Variants in METTL2A observed in about 807,000 individuals in gnomAD.
METTL2A encodes the protein methyltransferase 2A, tRNA N3-cytidine, also known as tRNA N(3)-cytidine methyltransferase METTL2A.
A neutral mutation model predicts 49.4 loss-of-function variants in METTL2A; 45 were observed. That is an observed-to-expected ratio of 0.91 (90% CI 0.72 to 1.17). METTL2A has a LOEUF of 1.17. Among genes scored for constraint, METTL2A ranks in the 50% most tolerant of loss-of-function variants. The pLI is 0.00. For synonymous variants in METTL2A, 118 were observed against 167.5 expected (o/e 0.70, Z 2.28); for missense variants, 361 against 462.2 (o/e 0.78, Z 2.01).
intron 6 of METTL2A, among the ~76,000 whole-genome samples, chr17:62,441,109 C>T (rs762917786): frequency 2.3e-4 from 35 of 152,088 alleles, no homozygotes; most frequent in Admixed American, 5.2e-4. Context: ...CCCAGCCTGG[C>T]GAGGGACCTT....
At chr17:62,440,595 T>C (rs1406931706) in intron 5 of METTL2A, 22 bp from the exon 6 acceptor site, 9 of 1,597,836 alleles carry the variant, frequency 5.6e-6, no homozygotes, top group East Asian at 2.2e-5. Flanking sequence ...CTAACTTACC[T>C]GTGTCTTCCA....
At chr17:62,442,873 A>C (rs2070746335) in intron 6 of METTL2A, among the ~76,000 whole-genome samples, 1 of 152,218 alleles carries the variant, frequency 6.6e-6, no homozygotes, top group South Asian at 2.1e-4. Context: ...TGCAGGGACC[A>C]GTGATTGAGA....
At chr17:62,426,090 C>G (rs1169662360) in intron 2 of METTL2A, among the ~76,000 whole-genome samples, 1 of 151,868 alleles carries the variant, frequency 6.6e-6, no homozygotes, top group African/African-American at 2.4e-5. Context: ...AATTTAGACT[C>G]TCCTATAATG....
chr17:62,424,337 A>T (rs1472747185), intron 2 of METTL2A, 27 bp downstream of exon 2: 2 of 1,613,428 alleles, frequency 1.2e-6, no homozygotes, highest in African/African-American at 2.7e-5. Flanking sequence ...TCTCATTGGT[A>T]TCAACAGCCA....
intron 7 of METTL2A, among the ~76,000 whole-genome samples, chr17:62,445,856 TGCCA>T (rs2070764976): frequency 1.3e-5 from 2 of 151,734 alleles, no homozygotes; most frequent in African/African-American, 4.8e-5. Flanking sequence ...TGACAAAAGA[TGCCA>T]TTAAAAATGT....
rs1442916270 is a variant in METTL2A at position 62,424,450 on chromosome 17, G to A, written c.202+140G>A. 4 of 1,240,032 alleles carry A rather than the reference G, an allele frequency of 3.2e-6. No homozygotes were observed. In the African/African-American group the frequency reaches 4.5e-5, roughly 14 times the overall value. The allele number at this position is 1,240,032 out of a possible 1,614,324, so 76.8% of individuals were successfully genotyped here. A position where few individuals can be genotyped will look rare whatever the true frequency, so the allele number is the denominator to read the frequency against. Reference sequence around the variant, plus strand: ...GATCTCAGGAGTAGAGCGGGACAGGGAGGGGATGAGCAAGGAGAGAAAAGG... The same window carrying A: ...GATCTCAGGAGTAGAGCGGGACAGGAAGGGGATGAGCAAGGAGAGAAAAGG... On this transcript the variant is annotated intron_variant, in intron 2 of 8. Transcript: ENST00000311506.
At chr17:62,447,616 C>T (rs1156510730) in intron 7 of METTL2A, 85 bp from the exon 8 acceptor site, 1 of 1,496,066 alleles carries the variant, frequency 6.7e-7, no homozygotes, top group African/African-American at 1.4e-5. Flanking sequence ...ACCCAACAAA[C>T]TGACCTCCCA....
At chr17:62,436,568 G>GA (rs560532529) in intron 5 of METTL2A, among the ~76,000 whole-genome samples, 8 of 150,904 alleles carry the variant, frequency 5.3e-5, no homozygotes, top group African/African-American at 1.5e-4. Flanking sequence ...GAGAGAGAAA[G>GA]AAAAAAAAAT....
At chr17:62,443,538 C>T (rs551654898) in intron 6 of METTL2A, among the ~76,000 whole-genome samples, 1 of 152,254 alleles carries the variant, frequency 6.6e-6, no homozygotes, top group South Asian at 2.1e-4. Context: ...CACTTGAGCC[C>T]AAGAGTCCAG....
At chr17:62,447,198 C>CGCTTGA in intron 7 of METTL2A, among the ~76,000 whole-genome samples, 1 of 152,268 alleles carries the variant, frequency 6.6e-6, no homozygotes, top group Middle Eastern at 3.4e-3. Flanking sequence ...GTGGGTGGAT[C>CGCTTGA]ACCTGAGGTG....
chr17:62,433,443 A>G (rs1423360170), intron 4 of METTL2A, among the ~76,000 whole-genome samples: 1 of 145,212 alleles, frequency 6.9e-6, no homozygotes, highest in Non-Finnish European at 1.6e-5. Context: ...CAAAAAAAAA[A>G]GAAAAGCACA....
At position 62,440,710 on chromosome 17, in the gene METTL2A, G is replaced by A. The variant is rs756286160; in HGVS notation, c.763G>A (p.Asp255Asn). The change falls in exon 6 of 9, where the codon GAT becomes AAT. Residue 255 changes from aspartate to asparagine, a missense_variant. Physicochemically the swap from Asp to Asn is conservative, Grantham distance 23. Around this residue, in one of 3 missense-constraint regions of METTL2A, gnomAD observed 183 missense variants for 216.5 expected, o/e 0.85. Coordinates refer to ENST00000311506, the MANE Select transcript of METTL2A (RefSeq NM_181725.4). ...KSYPVPKGSLDIIILIFVLSA... is the reference protein window; with the variant it reads ...KSYPVPKGSLNIIILIFVLSA... ...TTACCCAGTGCCCAAGGGCAGTCTTGATATTATCATTCTCATATTTGTTCT... is the reference window on the plus strand; with the variant it reads ...TTACCCAGTGCCCAAGGGCAGTCTTAATATTATCATTCTCATATTTGTTCT... The A allele has an allele frequency of 6.2e-7, 1 of 1,614,008 alleles. No individual in the cohort carries two copies. The highest frequency in any genetic ancestry group is 1.1e-5 in the South Asian group (1 of 91,060).
rs772055985 is a variant in METTL2A at position 62,435,293 on chromosome 17, G to A, written c.669+1G>A. 6.2e-7 allele frequency: 1 copy of A among 1,613,954 alleles called. No individual in the cohort carries two copies. Among genetic ancestry groups the A allele is most frequent in the East Asian group, 2.2e-5 (1 of 44,868 alleles). On this transcript the variant is annotated splice_donor_variant, in intron 5 of 8. Coordinates refer to ENST00000311506, the MANE Select transcript of METTL2A (RefSeq NM_181725.4). LOFTEE classifies it high-confidence loss of function. ...TTCCACAGCTATAGAACTGGTCCAGGTGAGTACAATGGGAAATTACCTATT... is the reference window on the plus strand; with the variant it reads ...TTCCACAGCTATAGAACTGGTCCAGATGAGTACAATGGGAAATTACCTATT...
intron 2 of METTL2A, 59 bp from the exon 3 acceptor site, chr17:62,426,240 T>C (rs118029609): frequency 6.8e-7 from 1 of 1,466,402 alleles, no homozygotes; most frequent in Admixed American, 2.1e-5. Context: ...TAATTGATAT[T>C]AGATATAAAT....
chr17:62,446,449 TACAGGCATGTGCCACC>T (rs1487612119), intron 7 of METTL2A, among the ~76,000 whole-genome samples: 38 of 152,236 alleles, frequency 2.5e-4, no homozygotes, highest in Non-Finnish European at 5.1e-4. Flanking sequence ...TAGCCGAGAC[TACAGGCATGTGCCACC>T]ACGCCTGGCT....
chr17:62,433,307 G>A (rs1408679559), intron 4 of METTL2A, among the ~76,000 whole-genome samples: 1 of 151,478 alleles, frequency 6.6e-6, no homozygotes, highest in Non-Finnish European at 1.5e-5. Flanking sequence ...GGTGGTGGGC[G>A]CCTGTAATCC....
At chr17:62,432,540 C>T (rs1016126056) in intron 4 of METTL2A, among the ~76,000 whole-genome samples, 2 of 152,114 alleles carry the variant, frequency 1.3e-5, no homozygotes, top group African/African-American at 4.8e-5. Context: ...TGGCTCACAC[C>T]TGTAATCCCA....
At chr17:62,429,088 A>T (rs569288421) in intron 4 of METTL2A, among the ~76,000 whole-genome samples, 7 of 152,002 alleles carry the variant, frequency 4.6e-5, no homozygotes, top group African/African-American at 1.7e-4. Context: ...TCCCAGCCTC[A>T]AGAGTTTTTA....
intron 7 of METTL2A, among the ~76,000 whole-genome samples, chr17:62,445,155 G>T (rs1435807052): frequency 6.6e-6 from 1 of 151,672 alleles, no homozygotes; most frequent in Non-Finnish European, 1.5e-5. Context: ...GGGTGAGGGG[G>T]CTGGGAGAGG....
Sources: gnomAD v4.1 joint callset for allele counts (sites outside exome capture counted in the v4.1 genomes callset) on GRCh38, gnomAD v4.1.1 for gene constraint, gnomAD v4.1.1 regional missense constraint, MANE v1.5 for transcripts, NCBI Gene and HGNC (gene_info 2026-07-23, HGNC 2026-07-21) for gene names.